Variants in SPOCK3 observed in about 807,000 individuals in gnomAD.
SPOCK3 encodes the protein testican-3.
A neutral mutation model predicts 56.6 loss-of-function variants in SPOCK3; 30 were observed. That is an observed-to-expected ratio of 0.53 (90% confidence interval 0.40 to 0.72). SPOCK3 has a LOEUF of 0.72. SPOCK3 is among the 30% of genes least tolerant of loss of function. The pLI is 0.00. For synonymous variants in SPOCK3, 196 were observed against 183.3 expected (o/e 1.07, Z -0.56); for missense variants, 527 against 530.0 (o/e 0.99, Z 0.06).
intron 8 of SPOCK3, 85 bp downstream of exon 8, chr4:166,754,423 A>T: frequency 2.7e-6 from 4 of 1,491,004 alleles, no homozygotes; most frequent in Non-Finnish European, 3.6e-6. Context: ...GAATGAGCAT[A>T]GTGTACTGTT....
intron 4 of SPOCK3, among the ~76,000 whole-genome samples, chr4:166,926,971 C>G (rs1211577553): frequency 6.6e-6 from 1 of 151,808 alleles, no homozygotes; most frequent in East Asian, 1.9e-4. Context: ...TGCTTAAATC[C>G]CTGAAAAAGG....
At chr4:166,927,349 G>A (rs572362586) in intron 4 of SPOCK3, among the ~76,000 whole-genome samples, 4 of 152,216 alleles carry the variant, frequency 2.6e-5, no homozygotes, top group African/African-American at 7.2e-5. Flanking sequence ...CATGAGACCC[G>A]ATGGTTTTAT....
chr4:166,852,296 A>C (rs2126877183), intron 6 of SPOCK3, among the ~76,000 whole-genome samples: 1 of 152,162 alleles, frequency 6.6e-6, no homozygotes, highest in African/African-American at 2.4e-5. Flanking sequence ...TTAAAGTATA[A>C]AAATAATAAT....
In SPOCK3 at chr4:167,127,167, C is replaced by A. The variant is rs555809459; in HGVS notation, c.190-64630G>T. 3.3e-4 allele frequency among the ~76,000 whole-genome samples: 50 copies of A among 152,044 alleles called. 1 individual carries two copies. Among genetic ancestry groups the A allele is most frequent in the African/African-American group, 1.1e-3 (47 of 41,478 alleles). ...AGGTTTCCAATAAAGTATTTATGAA[C>A]AATAGTAGTAAGATTTGACTCAAAA... On this transcript the variant is annotated intron_variant, in intron 2 of 10. Coordinates refer to ENST00000357545, the MANE Select transcript of SPOCK3 (RefSeq NM_001040159.2).
At chr4:166,824,484 T>A (rs1745252507) in intron 6 of SPOCK3, among the ~76,000 whole-genome samples, 1 of 152,076 alleles carries the variant, frequency 6.6e-6, no homozygotes, top group Non-Finnish European at 1.5e-5. Flanking sequence ...CTGACACATT[T>A]CTGAATGAGC....
At chr4:166,858,178 A>T (rs560416563) in intron 6 of SPOCK3, among the ~76,000 whole-genome samples, 1 of 152,332 alleles carries the variant, frequency 6.6e-6, no homozygotes, top group Non-Finnish European at 1.5e-5. Flanking sequence ...TTCAGACCCA[A>T]TTTAATACCA....
intron 4 of SPOCK3, among the ~76,000 whole-genome samples, chr4:166,928,480 A>C (rs953469705): frequency 6.6e-6 from 1 of 152,226 alleles, no homozygotes; most frequent in Non-Finnish European, 1.5e-5. Context: ...ATGCTGGAAA[A>C]GGCAAACTAT....
Position 166,737,535 on chromosome 4 carries a change from T to A in SPOCK3, c.1064A>T (p.Gln355Leu). 6.2e-7 allele frequency: 1 copy of A among 1,613,300 alleles called. No individual in the cohort carries two copies. Among genetic ancestry groups the A allele is most frequent in the South Asian group, 1.1e-5 (1 of 90,930 alleles). The change falls in exon 10 of 11, where the codon CAG (glutamine) becomes CTG (leucine). Residue 355 changes from glutamine (Q) to leucine (L), a missense_variant. Transcript: ENST00000357545. ...KPTQCHGSVG[Q>L]CWCVDRYGNE... is the part of the protein sequence containing the mutation. ...TCCATATCTGTCAACACACCAGCAC[T>A]GTCCAACACTGCCATGACATTGTGT... is the stretch of plus-strand genomic sequence containing the variant.
intron 7 of SPOCK3, among the ~76,000 whole-genome samples, chr4:166,768,986 T>A (rs1406184151): frequency 1.3e-5 from 2 of 152,268 alleles, no homozygotes; most frequent in Non-Finnish European, 2.9e-5. Context: ...AATCAGCTAC[T>A]GAAGCTTGTG....
At chr4:167,002,476 C>A (rs1199420309) in intron 3 of SPOCK3, among the ~76,000 whole-genome samples, 1 of 152,038 alleles carries the variant, frequency 6.6e-6, no homozygotes, top group South Asian at 2.1e-4. Context: ...ACATTAAATG[C>A]ATCTATTTGG....
At chr4:167,210,097 T>C (rs564883029) in intron 2 of SPOCK3, among the ~76,000 whole-genome samples, 47 of 152,294 alleles carry the variant, frequency 3.1e-4, no homozygotes, top group Non-Finnish European at 5.9e-4. Flanking sequence ...CTTCAGATCC[T>C]AGTCCTAACA....
chr4:166,995,921 T>A (rs1748319553), intron 4 of SPOCK3, among the ~76,000 whole-genome samples: 2 of 152,166 alleles, frequency 1.3e-5, no homozygotes, highest in South Asian at 2.1e-4. Context: ...ATATAACTTA[T>A]GCTTTGTGAT....
In SPOCK3 at chr4:167,152,342, A is replaced by G. The variant is rs1033040679; in HGVS notation, c.189+81643T>C. On this transcript the variant is annotated intron_variant, in intron 2 of 10. Coordinates refer to ENST00000357545, the MANE Select transcript of SPOCK3 (RefSeq NM_001040159.2). ...TCCACCAATAACTACACAAGGATGA[A>G]GAGAGCCGCAAAATGATTAAGGATA... is the stretch of plus-strand genomic sequence containing the variant. Among the ~76,000 whole-genome samples, 5 of 152,332 alleles carry G rather than the reference A, an allele frequency of 3.3e-5. No individual in the cohort carries two copies. In the East Asian group the frequency reaches 9.6e-4, roughly 29 times the overall value.
At chr4:167,189,206 C>G (rs1732265434) in intron 2 of SPOCK3, among the ~76,000 whole-genome samples, 1 of 145,780 alleles carries the variant, frequency 6.9e-6, no homozygotes. Flanking sequence ...TAGCAAATAA[C>G]ACCCAACAAT....
intron 7 of SPOCK3, among the ~76,000 whole-genome samples, chr4:166,774,675 G>A (rs1297201326): frequency 6.6e-6 from 1 of 152,098 alleles, no homozygotes; most frequent in Non-Finnish European, 1.5e-5. Context: ...TGCCTCTGAC[G>A]ACTTTTAGAT....
chr4:167,214,183 CA>C (rs1200254930), intron 2 of SPOCK3, among the ~76,000 whole-genome samples: 2 of 152,006 alleles, frequency 1.3e-5, no homozygotes, highest in Non-Finnish European at 2.9e-5. Context: ...CAAAGCATAC[CA>C]TCATGAAACC....
At chr4:167,160,395 T>C (rs1163396760) in intron 2 of SPOCK3, among the ~76,000 whole-genome samples, 1 of 151,800 alleles carries the variant, frequency 6.6e-6, no homozygotes, top group Admixed American at 6.6e-5. Flanking sequence ...TAAAAGAGGA[T>C]ACAAACAAAT....
rs564596294 is a variant in SPOCK3 at position 166,771,236 on chromosome 4, A to G, written c.710-16507T>C. ...AAAGAATCATATTTGAAGGGTATATATATAATTTACAATACTGTAATCATT... is the reference window on the plus strand; with the variant it reads ...AAAGAATCATATTTGAAGGGTATATGTATAATTTACAATACTGTAATCATT... On this transcript the variant is annotated intron_variant, in intron 7 of 10. Transcript: ENST00000357545. Among the ~76,000 whole-genome samples the G allele has an allele frequency of 2.6e-5, 4 of 151,958 alleles. No individual in the cohort carries two copies. In the East Asian group the frequency reaches 7.7e-4, roughly 29 times the overall value.
chr4:166,989,683 T>TC (rs1055116970), intron 4 of SPOCK3, among the ~76,000 whole-genome samples: 2 of 152,184 alleles, frequency 1.3e-5, no homozygotes, highest in Non-Finnish European at 2.9e-5. Context: ...TAAGATCCCA[T>TC]CACACGCCTC....
Sources: gnomAD v4.1 joint callset for allele counts (sites outside exome capture counted in the v4.1 genomes callset) on GRCh38, gnomAD v4.1.1 for gene constraint, MANE v1.5 for transcripts, NCBI Gene and HGNC (gene_info 2026-07-23, HGNC 2026-07-21) for gene names.